GMDS: variants seen among roughly 807,000 people sequenced by gnomAD.
GMDS encodes GDP-mannose 4,6-dehydratase.
GMDS carries 20 observed loss-of-function variants against 49.9 expected under a neutral mutation model. The observed-to-expected ratio is 0.40, with a 90% CI of 0.28 to 0.58. The LOEUF is 0.58. Ranked by LOEUF, GMDS falls within the 20% of genes least tolerant of loss-of-function variation. GMDS has a pLI of 0.42. For missense variants in GMDS, 362 were observed against 481.4 expected (o/e 0.75, Z 2.32); for synonymous variants, 177 against 178.6 (o/e 0.99, Z 0.07).
At chr6:1,914,261 C>T (rs1761250702) in intron 7 of GMDS, among the ~76,000 whole-genome samples, 1 of 149,086 alleles carries the variant, frequency 6.7e-6, no homozygotes. Flanking sequence ...TTAAGACCAT[C>T]CTGGCTAACA....
chr6:2,137,585 T>C (rs1012208634), intron 1 of GMDS, among the ~76,000 whole-genome samples: 1 of 152,204 alleles, frequency 6.6e-6, no homozygotes, highest in Non-Finnish European at 1.5e-5. Flanking sequence ...CCACCCACTT[T>C]GGCTTCCCAA....
At chr6:1,660,362 G>A (rs781331801) in intron 9 of GMDS, among the ~76,000 whole-genome samples, 3 of 151,952 alleles carry the variant, frequency 2.0e-5, no homozygotes, top group Non-Finnish European at 2.9e-5. Flanking sequence ...TTGAAGAGTG[G>A]GGGCTTTTAG....
rs1023742707 is a variant in GMDS at position 1,914,939 on chromosome 6, T to C, written c.771+15164A>G. On this transcript the variant is annotated intron_variant, in intron 7 of 10. Transcript: ENST00000380815. ...TGGGCAGAAGTGTGCGAGGTTGTCA[T>C]GACCTTGGGATGGTGAGGATACCTT... Among the ~76,000 whole-genome samples, 18 of 152,320 alleles carry C rather than the reference T, an allele frequency of 1.2e-4. 1 individual carries two copies. In the East Asian group the frequency reaches 1.4e-3, roughly 11 times the overall value.
chr6:2,058,218 C>T (rs1033382596), intron 4 of GMDS, among the ~76,000 whole-genome samples: 2 of 151,590 alleles, frequency 1.3e-5, no homozygotes, highest in East Asian at 1.9e-4. Flanking sequence ...ATCAGCCAGG[C>T]GTGGTGGCAT....
chr6:1,652,869 T>G lies in GMDS; in HGVS notation c.988-28329A>C, dbSNP rs116761684. ...GTCCTGCTTCTGCTTGTGGGATGTGTACAGGCTGCCACACTCATGTGTGCT... is the reference window on the plus strand; with the variant it reads ...GTCCTGCTTCTGCTTGTGGGATGTGGACAGGCTGCCACACTCATGTGTGCT... On this transcript the variant is annotated intron_variant, in intron 9 of 10. Transcript: ENST00000380815. Among the ~76,000 whole-genome samples the G allele has an allele frequency of 3.9e-3, 547 of 140,288 alleles. 3 individuals are homozygous for G. Among genetic ancestry groups the G allele is most frequent in the African/African-American group, 0.014 (518 of 36,944 alleles). The allele number at this position is 140,288 out of a possible 152,430, so 92.0% of individuals were successfully genotyped here.
chr6:1,729,708 G>C (rs560862789), intron 8 of GMDS, among the ~76,000 whole-genome samples: 1 of 152,352 alleles, frequency 6.6e-6, no homozygotes, highest in South Asian at 2.1e-4. Context: ...ACAGAGAGGA[G>C]AGGATTCGGT....
At chr6:1,999,912 ATTATATACATATTATATATTAT>A (rs1766558940) in intron 4 of GMDS, among the ~76,000 whole-genome samples, 1 of 100,386 alleles carries the variant, frequency 1.0e-5, no homozygotes, top group African/African-American at 3.7e-5. Context: ...TAATATATAT[ATTATATACATATTATATATTAT>A]TATATATAAT....
intron 7 of GMDS, among the ~76,000 whole-genome samples, chr6:1,912,364 T>A (rs1262930893): frequency 5.3e-5 from 8 of 152,014 alleles, no homozygotes; most frequent in Non-Finnish European, 7.4e-5. Context: ...AGACTTTGTC[T>A]AAAAAAAATT....
intron 9 of GMDS, among the ~76,000 whole-genome samples, chr6:1,705,816 GA>G (rs1765715654): frequency 6.6e-6 from 1 of 152,176 alleles, no homozygotes; most frequent in African/African-American, 2.4e-5. Context: ...GAGAGTTTGG[GA>G]ACTGGGGAGG....
intron 4 of GMDS, among the ~76,000 whole-genome samples, chr6:1,964,647 G>A (rs1164024024): frequency 6.6e-6 from 1 of 152,142 alleles, no homozygotes; most frequent in Non-Finnish European, 1.5e-5. Context: ...TTTCACTTAT[G>A]CTAGGGAATC....
At chr6:1,979,246 C>T (rs1765087579) in intron 4 of GMDS, among the ~76,000 whole-genome samples, 1 of 152,184 alleles carries the variant, frequency 6.6e-6, no homozygotes, top group Non-Finnish European at 1.5e-5. Flanking sequence ...TAATAATGAA[C>T]TTTGCTGAGC....
chr6:1,804,143 T>C (rs1770066615), intron 7 of GMDS, among the ~76,000 whole-genome samples: 1 of 152,260 alleles, frequency 6.6e-6, no homozygotes. Flanking sequence ...TTGTTTTTAA[T>C]AAGATGCGCT....
intron 4 of GMDS, among the ~76,000 whole-genome samples, chr6:2,110,147 C>T (rs943651960): frequency 2.0e-5 from 3 of 152,126 alleles, no homozygotes; most frequent in South Asian, 2.1e-4. Context: ...GTTAGCCAGG[C>T]ACTAACCAGA....
chr6:2,000,571 T>C (rs1741104427), intron 4 of GMDS, among the ~76,000 whole-genome samples: 1 of 152,220 alleles, frequency 6.6e-6, no homozygotes, highest in African/African-American at 2.4e-5. Flanking sequence ...CATAATATTT[T>C]TAAGGTTCAT....
chr6:1,625,315 A>C (rs1389099115), intron 9 of GMDS: 4 of 152,222 alleles, frequency 2.6e-5, no homozygotes, highest in Non-Finnish European at 2.9e-5. Flanking sequence ...TAGACGGTCT[A>C]TTCTATTCTA....
At chr6:2,034,025 G>A (rs1316211297) in intron 4 of GMDS, among the ~76,000 whole-genome samples, 1 of 152,068 alleles carries the variant, frequency 6.6e-6, no homozygotes, top group East Asian at 1.9e-4. Flanking sequence ...TTAGTCACAT[G>A]ATTTCTAACA....
chr6:1,996,137 T>C (rs1766266142), intron 4 of GMDS, among the ~76,000 whole-genome samples: 1 of 151,726 alleles, frequency 6.6e-6, no homozygotes, highest in Non-Finnish European at 1.5e-5. Flanking sequence ...CTCCTTCCTC[T>C]TCTTCCTCCT....
In GMDS at chr6:1,742,380, G is replaced by A. The variant is rs532428381; in HGVS notation, c.890+88C>T. ...ATTGCTCTTCAGGAGAGTGAAGGGG[G>A]AAGATGACAGCCAGAACCGAGGCTT... is the stretch of plus-strand genomic sequence containing the variant. On this transcript the variant is annotated intron_variant, in intron 8 of 10. Transcript: ENST00000380815. 1.1e-5 allele frequency: 8 copies of A among 734,082 alleles called. No homozygotes were observed. In the South Asian group the frequency reaches 1.3e-4, roughly 12 times the overall value. 45.5% of individuals were successfully genotyped at this position (734,082 alleles called of 1,614,324 possible).
At chr6:1,992,348 G>C (rs1260245632) in intron 4 of GMDS, among the ~76,000 whole-genome samples, 3 of 152,066 alleles carry the variant, frequency 2.0e-5, no homozygotes, top group Non-Finnish European at 2.9e-5. Flanking sequence ...CTCACCTGAA[G>C]CAAGGCTGGT....
Sources: allele counts gnomAD v4.1 joint callset (sites outside exome capture counted in the v4.1 genomes callset), GRCh38; gene constraint gnomAD v4.1.1; transcripts MANE v1.5; gene names NCBI Gene and HGNC (gene_info 2026-07-23, HGNC 2026-07-21).